Variants in PCYT1A observed in about 807,000 individuals in gnomAD.
PCYT1A encodes choline-phosphate cytidylyltransferase A.
Under a neutral mutation model 43.7 loss-of-function variants are expected in PCYT1A, and 25 were observed. The observed-to-expected ratio is 0.57, with a 90% CI of 0.42 to 0.80. The LOEUF is 0.80. PCYT1A is among the 30% of genes least tolerant of loss of function. PCYT1A has a pLI of 0.00. For synonymous variants in PCYT1A, 172 were observed against 170.7 expected (o/e 1.01, Z -0.06); for missense variants, 421 against 474.2 (o/e 0.89, Z 1.04).
At chr3:196,266,232 G>C (rs577978067) in intron 2 of PCYT1A, among the ~76,000 whole-genome samples, 1 of 151,926 alleles carries the variant, frequency 6.6e-6, no homozygotes, top group Admixed American at 6.6e-5. Flanking sequence ...CAGCACTTTG[G>C]GAGGTCGAGG....
In PCYT1A at chr3:196,234,670, CA is replaced by C. The variant is rs1356610029; in HGVS notation, c.*4017del. 1.3e-5 allele frequency: 2 copies of C among 152,336 alleles called. No individual in the cohort carries two copies. The highest frequency in any genetic ancestry group is 1.5e-5 in the Non-Finnish European group (1 of 68,032). The allele number at this position is 152,336 out of a possible 1,614,324, so 9.4% of individuals were successfully genotyped here. ...ACTTCAAACCTCCAGGAACACAACC[CA>C]AGTCATCCCAGTGTTAAACCTGGTG... is the stretch of plus-strand genomic sequence containing the variant. On this transcript the variant is annotated 3_prime_UTR_variant, in exon 9 of 9. Transcript: ENST00000431016.
chr3:196,241,819 G>A (rs1036712877), intron 7 of PCYT1A, 129 bp downstream of exon 7: 2 of 1,224,230 alleles, frequency 1.6e-6, no homozygotes, highest in Non-Finnish European at 2.4e-6. Context: ...TAACATAGTG[G>A]TAATTCATTC....
intron 2 of PCYT1A, among the ~76,000 whole-genome samples, chr3:196,267,841 T>TA (rs900389151): frequency 2.7e-4 from 41 of 152,238 alleles, no homozygotes; most frequent in Middle Eastern, 3.4e-3. Flanking sequence ...ATAAAGCTGT[T>TA]AAAAAAAGAA....
At chr3:196,269,108 T>A (rs1481654598) in intron 2 of PCYT1A, among the ~76,000 whole-genome samples, 1 of 152,240 alleles carries the variant, frequency 6.6e-6, no homozygotes, top group East Asian at 1.9e-4. Context: ...TTTAGCCCTC[T>A]GAGACCCATT....
chr3:196,243,706 G>A (rs897064597), intron 5 of PCYT1A, among the ~76,000 whole-genome samples: 2 of 152,198 alleles, frequency 1.3e-5, no homozygotes, highest in African/African-American at 2.4e-5. Context: ...ACTGGTTTTC[G>A]TATTTTTTTG....
In PCYT1A at chr3:196,254,217, G is replaced by A. The variant is rs970693263; in HGVS notation, c.217+3571C>T. ...AATTTTTTATATTTTTAGTAGAGAC[G>A]GGGTTTCACCATGTTAGCCAGGATG... On this transcript the variant is annotated intron_variant, in intron 3 of 8. Coordinates refer to ENST00000431016, the MANE Select transcript of PCYT1A (RefSeq NM_001312673.2). Among the ~76,000 whole-genome samples the A allele has an allele frequency of 9.9e-5, 15 of 151,280 alleles. 1 individual carries two copies. The highest frequency in any genetic ancestry group is 1.3e-4 in the Non-Finnish European group (9 of 67,840).
At chr3:196,244,938 G>C (rs1409711409) in intron 5 of PCYT1A, among the ~76,000 whole-genome samples, 2 of 152,238 alleles carry the variant, frequency 1.3e-5, no homozygotes, top group East Asian at 1.9e-4. Context: ...CAAGTACCCA[G>C]GGACACAAAC....
chr3:196,262,886 C>T (rs1015109038), intron 2 of PCYT1A, among the ~76,000 whole-genome samples: 1 of 151,844 alleles, frequency 6.6e-6, no homozygotes, highest in Non-Finnish European at 1.5e-5. Flanking sequence ...CCTCTGCCGC[C>T]CAGGATCAAG....
rs898850670 is a variant in PCYT1A, at chr3:196,268,120, G to T, written c.117+2295C>A. On this transcript the variant is annotated intron_variant, in intron 2 of 8. Coordinates refer to ENST00000431016, the MANE Select transcript of PCYT1A (RefSeq NM_001312673.2). This position sits in a 1 kb window ranked among gnomAD's most constrained non-coding sequence, Gnocchi z 4.4. ...TTTAAAGCATTAAGACTCCCCAGAA[G>T]AATTTAAAAAAAAAAAAGATTCCCA... Among the ~76,000 whole-genome samples, 1 of 145,334 alleles carries T rather than the reference G, an allele frequency of 6.9e-6. No homozygotes were observed. Among genetic ancestry groups the T allele is most frequent in the African/African-American group, 2.6e-5 (1 of 38,302 alleles).
At chr3:196,243,994 C>G (rs1287363602) in intron 5 of PCYT1A, among the ~76,000 whole-genome samples, 2 of 151,974 alleles carry the variant, frequency 1.3e-5, no homozygotes, top group Non-Finnish European at 1.5e-5. Context: ...CCTGGCCGCC[C>G]ATCGTCTGGG....
intron 3 of PCYT1A, among the ~76,000 whole-genome samples, chr3:196,249,063 C>T (rs2108767044): frequency 6.6e-6 from 1 of 151,960 alleles, no homozygotes; most frequent in East Asian, 1.9e-4. Flanking sequence ...CCCGGCCCAA[C>T]TGCATACTCC....
intron 5 of PCYT1A, among the ~76,000 whole-genome samples, chr3:196,244,730 A>C (rs1319944323): frequency 2.0e-5 from 3 of 152,250 alleles, no homozygotes; most frequent in African/African-American, 7.2e-5. Context: ...GGGAGACTCA[A>C]TTTTGTTCTG....
Position 196,239,573 on chromosome 3 carries a change from C to T in PCYT1A, c.871G>A (p.Glu291Lys). 6.2e-7 allele frequency: 1 copy of T among 1,612,820 alleles called. No individual in the cohort carries two copies. The highest frequency in any genetic ancestry group is 8.5e-7 in the Non-Finnish European group (1 of 1,178,800). ...AGTGCTCCTTCCGGACCAAACATTT[C>T]CAGAAAACTTCCAATGAATTCTCGG... ...KSREFIGSFLEMFGPEGALKH... is the reference protein window; with the variant it reads ...KSREFIGSFLKMFGPEGALKH... The change falls in exon 8 of 9, where the codon GAA (glutamate) becomes AAA (lysine). Residue 291 changes from glutamate to lysine, a missense_variant. Coordinates refer to ENST00000431016, the MANE Select transcript of PCYT1A (RefSeq NM_001312673.2).
intron 2 of PCYT1A, among the ~76,000 whole-genome samples, chr3:196,260,943 T>C (rs1577366333): frequency 6.6e-6 from 1 of 152,164 alleles, no homozygotes; most frequent in East Asian, 1.9e-4. Context: ...AACCCAAATG[T>C]CCATCAATGA....
chr3:196,257,823 CT>C lies in PCYT1A; in HGVS notation c.181del (p.Arg61GlyfsTer2), dbSNP rs1179606325. Reference protein sequence around the residue: ...IEVDFSKPYVRVTMEEASRGT... With the variant: ...IEVDFSKPYVXVTMEEASRGT... ...TCTGCTGGCTTCTTCCATAGTTACC[CT>C]GACATAGGGCTTACTAAAGTCAACT... On this transcript the variant is annotated frameshift_variant, in exon 3 of 9. Coordinates refer to ENST00000431016, the MANE Select transcript of PCYT1A (RefSeq NM_001312673.2). LOFTEE classifies it high-confidence loss of function. 9 of 1,612,554 alleles carry C rather than the reference CT, an allele frequency of 5.6e-6. No homozygotes were observed. The highest frequency in any genetic ancestry group is 8.5e-7 in the Non-Finnish European group (1 of 1,178,780).
At chr3:196,280,670 C>A (rs1279565446) in intron 1 of PCYT1A, among the ~76,000 whole-genome samples, 1 of 131,692 alleles carries the variant, frequency 7.6e-6, no homozygotes. Context: ...ACTTTGTTTT[C>A]TCCCTATATA....
chr3:196,279,216 A>G (rs960837228), intron 1 of PCYT1A, among the ~76,000 whole-genome samples: 33 of 150,786 alleles, frequency 2.2e-4, no homozygotes, highest in Admixed American at 1.1e-3. Context: ...TGAACCCAAG[A>G]GACGGAGGCT....
chr3:196,278,301 T>C (rs1452487689), intron 1 of PCYT1A, among the ~76,000 whole-genome samples: 2 of 152,188 alleles, frequency 1.3e-5, no homozygotes, highest in Admixed American at 6.5e-5. Flanking sequence ...TCTTGGACTC[T>C]CAGTTTATGA....
rs1212521799 is a variant in PCYT1A, at chr3:196,237,505, G to T, written c.*1183C>A. The T allele has an allele frequency of 1.3e-5, 2 of 152,274 alleles. No individual in the cohort carries two copies. Among genetic ancestry groups the T allele is most frequent in the Non-Finnish European group, 2.9e-5 (2 of 68,108 alleles). The allele number at this position is 152,274 out of a possible 1,614,324, so 9.4% of individuals were successfully genotyped here. A position where few individuals can be genotyped will look rare whatever the true frequency, so the allele number is the denominator to read the frequency against. ...CTTGCTGGAGGAGCAGCAGAGGGAG[G>T]TCCCTGCCAGCTGCAGCTCTCAGAG... On this transcript the variant is annotated 3_prime_UTR_variant, in exon 9 of 9. Transcript: ENST00000431016.
Sources: allele counts gnomAD v4.1 joint callset (sites outside exome capture counted in the v4.1 genomes callset), GRCh38; gene constraint gnomAD v4.1.1; non-coding constraint Gnocchi (gnomAD v3.1); transcripts MANE v1.5; gene names NCBI Gene and HGNC (gene_info 2026-07-23, HGNC 2026-07-21).